Variants in MCC observed in about 807,000 individuals in gnomAD.
MCC encodes the protein colorectal mutant cancer protein.
MCC carries 90 observed loss-of-function variants against 116.2 expected under a neutral mutation model. The observed-to-expected ratio is 0.77, with a 90% CI of 0.65 to 0.92. The LOEUF is 0.92. Among genes scored for constraint, MCC ranks in the 40% least tolerant of loss-of-function variants. MCC has a pLI of 0.00. For missense variants in MCC, 1,516 were observed against 1,312.2 expected (o/e 1.16, Z -2.40); for synonymous variants, 578 against 510.5 (o/e 1.13, Z -1.78).
intron 3 of MCC, among the ~76,000 whole-genome samples, chr5:113,196,110 C>G (rs1217829345): frequency 6.6e-6 from 1 of 152,242 alleles, no homozygotes; most frequent in African/African-American, 2.4e-5. Flanking sequence ...GTGTCTTTCA[C>G]TGGAGTCATG....
At chr5:113,425,916 T>C (rs550263610) in intron 1 of MCC, among the ~76,000 whole-genome samples, 35 of 151,480 alleles carry the variant, frequency 2.3e-4, no homozygotes, top group Non-Finnish European at 4.3e-4. Context: ...GTCATGGGAG[T>C]TGGCAATACT....
intron 3 of MCC, among the ~76,000 whole-genome samples, chr5:113,186,979 T>A (rs917194020): frequency 1.3e-5 from 2 of 152,154 alleles, no homozygotes; most frequent in African/African-American, 4.8e-5. Flanking sequence ...ACAACAATAA[T>A]TATCTGGCAG....
At chr5:113,274,140 G>C (rs111802131) in intron 3 of MCC, among the ~76,000 whole-genome samples, 2 of 152,186 alleles carry the variant, frequency 1.3e-5, no homozygotes, top group African/African-American at 4.8e-5. Flanking sequence ...CTTCAGTCAC[G>C]CCATCAGACA....
intron 3 of MCC, among the ~76,000 whole-genome samples, chr5:113,174,661 A>G (rs1286426000): frequency 1.3e-5 from 2 of 151,534 alleles, no homozygotes; most frequent in Non-Finnish European, 1.5e-5. Flanking sequence ...TTAGAGTCCA[A>G]TGGTCCAATC....
At chr5:113,329,401 C>A (rs962972873) in intron 3 of MCC, among the ~76,000 whole-genome samples, 1 of 144,286 alleles carries the variant, frequency 6.9e-6, no homozygotes, top group African/African-American at 2.6e-5. Context: ...CACACACACA[C>A]AGAAACATAT....
In MCC at chr5:113,159,009, G is replaced by A. The variant is rs143719473; in HGVS notation, c.628-7587C>T. 3.2e-3 allele frequency among the ~76,000 whole-genome samples: 486 copies of A among 152,250 alleles called. 2 individuals carry two copies. The highest frequency in any genetic ancestry group is 0.014 in the Middle Eastern group (4 of 294). On this transcript the variant is annotated intron_variant, in intron 3 of 18. Transcript: ENST00000408903. ...GGGCTGAAGACATGGGAGAAGCAGG[G>A]TCAGGGTTTTCGTGATGGCAGCACC...
intron 12 of MCC, 146 bp downstream of exon 12, chr5:113,070,948 C>G (rs1753994508): frequency 4.8e-5 from 33 of 686,142 alleles, no homozygotes; most frequent in Non-Finnish European, 7.8e-5. Flanking sequence ...TTACTCTTAG[C>G]TATTTGCTGT....
At chr5:113,471,753 G>A (rs1164126270) in intron 1 of MCC, among the ~76,000 whole-genome samples, 1 of 139,738 alleles carries the variant, frequency 7.2e-6, no homozygotes, top group Non-Finnish European at 1.5e-5. Flanking sequence ...GTTTGTCTGT[G>A]CCCTGCCCCC....
intron 3 of MCC, among the ~76,000 whole-genome samples, chr5:113,170,459 G>A (rs1486812314): frequency 6.6e-6 from 1 of 152,020 alleles, no homozygotes; most frequent in Non-Finnish European, 1.5e-5. Flanking sequence ...TTTTATTTCT[G>A]TGGCGTCATT....
At chr5:113,343,730 T>C (rs1196104526) in intron 2 of MCC, among the ~76,000 whole-genome samples, 1 of 152,246 alleles carries the variant, frequency 6.6e-6, no homozygotes, top group Non-Finnish European at 1.5e-5. Flanking sequence ...ATGGTTGTAG[T>C]ACCCTACAGT....
At chr5:113,257,008 A>C (rs1765030122) in intron 3 of MCC, among the ~76,000 whole-genome samples, 1 of 152,120 alleles carries the variant, frequency 6.6e-6, no homozygotes, top group Admixed American at 6.6e-5. Flanking sequence ...GATGGTTACT[A>C]ATCAGTTATC....
intron 1 of MCC, among the ~76,000 whole-genome samples, chr5:113,415,568 A>T (rs1178374947): frequency 6.6e-6 from 1 of 152,062 alleles, no homozygotes; most frequent in Admixed American, 6.6e-5. Flanking sequence ...TTGGCTATTA[A>T]ATCTTGTGCA....
chr5:113,091,175 A>C (rs1284867495), intron 8 of MCC, among the ~76,000 whole-genome samples: 1 of 152,194 alleles, frequency 6.6e-6, no homozygotes, highest in African/African-American at 2.4e-5. Context: ...GACCAGTGGC[A>C]CCTTTGGGTG....
At position 113,340,511 on chromosome 5, in the gene MCC, G is replaced by T. The variant is rs371922065; in HGVS notation, c.627+8C>A. On this transcript the variant is annotated splice_region_variant and intron_variant, in intron 3 of 18. Coordinates refer to ENST00000408903, the MANE Select transcript of MCC (RefSeq NM_001085377.2). ...AAATATGTATTCCATGAACCAAAAAGTACTCACTGTGTTGGCCAGCTCTAG... is the reference window on the plus strand; with the variant it reads ...AAATATGTATTCCATGAACCAAAAATTACTCACTGTGTTGGCCAGCTCTAG... 4.7e-5 allele frequency: 76 copies of T among 1,613,054 alleles called. No individual in the cohort carries two copies. The African/African-American group carries it at 9.6e-4, about 20-fold the overall frequency.
At chr5:113,212,599 T>C (rs1349807315) in intron 3 of MCC, among the ~76,000 whole-genome samples, 1 of 152,246 alleles carries the variant, frequency 6.6e-6, no homozygotes, top group African/African-American at 2.4e-5. Flanking sequence ...AATGCCAATA[T>C]TGTGTTCAAA....
At chr5:113,159,909 G>A (rs1205182423) in intron 3 of MCC, among the ~76,000 whole-genome samples, 2 of 152,188 alleles carry the variant, frequency 1.3e-5, no homozygotes, top group African/African-American at 4.8e-5. Context: ...ATGTCTCACT[G>A]CATGGAAATC....
intron 2 of MCC, among the ~76,000 whole-genome samples, chr5:113,380,601 T>A (rs1407880194): frequency 6.6e-6 from 1 of 152,126 alleles, no homozygotes; most frequent in African/African-American, 2.4e-5. Flanking sequence ...AACATGACAA[T>A]CAACGTCATT....
At chr5:113,084,604 T>C (rs555543026) in intron 9 of MCC, among the ~76,000 whole-genome samples, 9 of 147,598 alleles carry the variant, frequency 6.1e-5, no homozygotes, top group South Asian at 4.1e-4. Context: ...ATCAACCTTA[T>C]TGTGGTGGCT....
intron 3 of MCC, among the ~76,000 whole-genome samples, chr5:113,216,413 A>C (rs959924981): frequency 6.6e-6 from 1 of 152,154 alleles, no homozygotes; most frequent in African/African-American, 2.4e-5. Flanking sequence ...TCTTTCTAAG[A>C]TGGTTCCCAT....
Sources: allele counts gnomAD v4.1 joint callset (sites outside exome capture counted in the v4.1 genomes callset), GRCh38; gene constraint gnomAD v4.1.1; transcripts MANE v1.5; gene names NCBI Gene and HGNC (gene_info 2026-07-23, HGNC 2026-07-21).